The following THTPA variants were observed in gnomAD, a reference collection of about 807,000 sequenced individuals.
THTPA encodes thiamine-triphosphatase.
In THTPA, 16 loss-of-function variants were observed where a neutral mutation model predicts 16.5. That is an observed-to-expected ratio of 0.97 (90% CI 0.66 to 1.47). The LOEUF (loss-of-function observed/expected upper bound fraction) is 1.47. THTPA is among the 40% of genes most tolerant of loss of function. THTPA has a pLI of 0.00. For missense variants in THTPA, 281 were observed against 280.9 expected (o/e 1.00, Z 0.00); for synonymous variants, 110 against 115.5 (o/e 0.95, Z 0.30).
Position 23,557,001 on chromosome 14 carries a change from C to T in THTPA, c.244C>T (p.Leu82Phe), listed in dbSNP as rs1882456708. 6.2e-7 allele frequency: 1 copy of T among 1,614,188 alleles called. No individual in the cohort carries two copies. Among genetic ancestry groups the T allele is most frequent in the Non-Finnish European group, 8.5e-7 (1 of 1,180,038 alleles). ...VLGPHTEYKE[L>F]TAEPTIVAQL... ...AGGACCCCACACGGAGTATAAGGAA[C>T]TCACAGCGGAACCTACAATTGTGGC... The change falls in exon 1 of 2, where the codon CTC becomes TTC. Residue 82 changes from leucine to phenylalanine, a missense_variant. Physicochemically the swap from Leu to Phe is conservative, Grantham distance 22. Transcript: ENST00000288014.
At chr14:23,521,698 T>G in the THTPA span, 1 of 500,378 alleles carries the variant, frequency 2.0e-6, no homozygotes, top group Non-Finnish European at 3.5e-6. Flanking sequence ...AAGATGGGTG[T>G]ATGTGTCTGT....
chr14:23,525,907 C>G, the THTPA span: 1 of 1,443,382 alleles, frequency 6.9e-7, no homozygotes, highest in Non-Finnish European at 9.0e-7. This position sits in a 1 kb window ranked among gnomAD's most constrained non-coding sequence, Gnocchi z 5.9. Flanking sequence ...GGAAGGGGGG[C>G]AGGACTGGTG....
chr14:23,546,289 T>A, the THTPA span, among the ~76,000 whole-genome samples: 1 of 152,230 alleles, frequency 6.6e-6, no homozygotes, highest in Non-Finnish European at 1.5e-5. The surrounding 1 kb of genome is among the most constrained non-coding windows in gnomAD (Gnocchi z 4.7). Context: ...TTAGCTTTGA[T>A]GTAATCCTGT....
chr14:23,525,329 T>G, the THTPA span: 1 of 1,536,020 alleles, frequency 6.5e-7, no homozygotes, highest in Admixed American at 2.0e-5. The surrounding 1 kb of genome is among the most constrained non-coding windows in gnomAD (Gnocchi z 5.9). Flanking sequence ...CAGAGACCCA[T>G]CAGGAGGTTT....
the THTPA span, chr14:23,523,636 A>G: frequency 1.8e-4 from 285 of 1,555,350 alleles, 2 homozygotes; most frequent in African/African-American, 3.5e-3. The surrounding 1 kb of genome is among the most constrained non-coding windows in gnomAD (Gnocchi z 4.1). Flanking sequence ...TGGGCAGCCC[A>G]ATCTCCTCTC....
the THTPA span, among the ~76,000 whole-genome samples, chr14:23,520,395 A>AGG: frequency 9.9e-5 from 15 of 151,612 alleles, no homozygotes; most frequent in South Asian, 1.9e-3. This position sits in a 1 kb window ranked among gnomAD's most constrained non-coding sequence, Gnocchi z 8.7. Flanking sequence ...GTGGGCCTCC[A>AGG]GGGGGGCAGC....
chr14:23,554,744 T>C (rs1484254688), upstream of THTPA, among the ~76,000 whole-genome samples: 1 of 152,082 alleles, frequency 6.6e-6, no homozygotes, highest in Non-Finnish European at 1.5e-5. Context: ...TCACTGGTCA[T>C]GTATTTCCAG....
At chr14:23,532,938 C>T in the THTPA span, 1 of 1,536,172 alleles carries the variant, frequency 6.5e-7, no homozygotes, top group Non-Finnish European at 8.7e-7. Flanking sequence ...TCCAGGCTGT[C>T]TGTGCTGAAG....
the THTPA span, chr14:23,529,815 G>C: frequency 4.2e-5 from 64 of 1,518,570 alleles, no homozygotes; most frequent in South Asian, 7.3e-4. Flanking sequence ...CAGCCCTCAA[G>C]ATGATTTGTA....
At chr14:23,513,141 C>G in the THTPA span, 2 of 152,298 alleles carry the variant, frequency 1.3e-5, no homozygotes, top group African/African-American at 2.4e-5. Flanking sequence ...CCCCATCCCC[C>G]CAGCTTGGCA....
chr14:23,516,211 A>G, the THTPA span, among the ~76,000 whole-genome samples: 1 of 152,196 alleles, frequency 6.6e-6, no homozygotes, highest in African/African-American at 2.4e-5. Flanking sequence ...ATAAGCACTC[A>G]TGTTCCAAGT....
the THTPA span, chr14:23,535,205 G>A: frequency 6.5e-7 from 1 of 1,529,136 alleles, no homozygotes; most frequent in African/African-American, 1.4e-5. The surrounding 1 kb of genome is among the most constrained non-coding windows in gnomAD (Gnocchi z 4.5). Context: ...GCAGCAGGGG[G>A]ATCTTTGGTG....
chr14:23,525,220 G>A, the THTPA span: 3 of 1,536,124 alleles, frequency 2.0e-6, no homozygotes, highest in Non-Finnish European at 1.7e-6. The surrounding 1 kb of genome is among the most constrained non-coding windows in gnomAD (Gnocchi z 5.9). Context: ...CTATGGGCCA[G>A]TGTCCCCCTG....
the THTPA span, chr14:23,525,582 G>T: frequency 1.3e-6 from 2 of 1,535,678 alleles, no homozygotes; most frequent in Non-Finnish European, 1.7e-6. This position sits in a 1 kb window ranked among gnomAD's most constrained non-coding sequence, Gnocchi z 5.9. Context: ...TCATTGTACT[G>T]GATCACCAGC....
At chr14:23,533,416 G>A in the THTPA span, 2 of 1,509,640 alleles carry the variant, frequency 1.3e-6, no homozygotes, top group Non-Finnish European at 1.8e-6. This position sits in a 1 kb window ranked among gnomAD's most constrained non-coding sequence, Gnocchi z 4.8. Flanking sequence ...TAGGGCCTGG[G>A]GCCCAAAGTA....
At chr14:23,522,376 C>T in the THTPA span, 1 of 1,536,206 alleles carries the variant, frequency 6.5e-7, no homozygotes, top group Non-Finnish European at 8.7e-7. Flanking sequence ...TGCCTGTCAG[C>T]AGCTCATCAA....
At chr14:23,549,274 C>A in the THTPA span, among the ~76,000 whole-genome samples, 2 of 152,154 alleles carry the variant, frequency 1.3e-5, no homozygotes, top group African/African-American at 4.8e-5. Flanking sequence ...ACATCCCTCA[C>A]GTCATACATT....
the THTPA span, chr14:23,529,594 T>C: frequency 9.5e-7 from 1 of 1,056,802 alleles, no homozygotes; most frequent in Admixed American, 2.0e-5. Context: ...TTAACTGTGC[T>C]ATTCTGAGTG....
the THTPA span, chr14:23,528,704 T>C: frequency 1.0e-6 from 1 of 985,184 alleles, no homozygotes; most frequent in Non-Finnish European, 1.2e-6. Flanking sequence ...TCTTTTTCCT[T>C]CTTCTTTTTC....
Sources: gnomAD v4.1 joint callset for allele counts (sites outside exome capture counted in the v4.1 genomes callset) on GRCh38, gnomAD v4.1.1 for gene constraint, Gnocchi (gnomAD v3.1) non-coding constraint, MANE v1.5 for transcripts, NCBI Gene and HGNC (gene_info 2026-07-23, HGNC 2026-07-21) for gene names.